TACR3: variants seen among roughly 807,000 people sequenced by gnomAD.
TACR3 encodes the protein neuromedin-K receptor.
Under a neutral mutation model 35.0 loss-of-function variants are expected in TACR3, and 34 were observed. The observed-to-expected ratio is 0.97, with a 90% CI of 0.74 to 1.30. The LOEUF is 1.30. Ranked by LOEUF, TACR3 falls within the 50% of genes most tolerant of loss-of-function variation. The pLI, the probability that TACR3 is intolerant of heterozygous loss-of-function variation, is 0.00. For missense variants in TACR3, 558 were observed against 591.7 expected (o/e 0.94, Z 0.59); for synonymous variants, 233 against 221.1 (o/e 1.05, Z -0.48).
chr4:103,692,477 C>T (rs1309528200), intron 1 of TACR3, among the ~76,000 whole-genome samples: 1 of 152,110 alleles, frequency 6.6e-6, no homozygotes, highest in Non-Finnish European at 1.5e-5. Flanking sequence ...ATACCACTCT[C>T]AGTAGCCAAT....
intron 3 of TACR3, among the ~76,000 whole-genome samples, chr4:103,622,818 G>A (rs1724812309): frequency 6.6e-6 from 1 of 152,130 alleles, no homozygotes; most frequent in Admixed American, 6.5e-5. Flanking sequence ...TTGCTGTGGA[G>A]TTATGGAGCT....
intron 1 of TACR3, among the ~76,000 whole-genome samples, chr4:103,707,618 C>G (rs1021974395): frequency 6.6e-6 from 1 of 152,020 alleles, no homozygotes; most frequent in African/African-American, 2.4e-5. Flanking sequence ...ACTGAGTTAC[C>G]GGGTTCATCT....
intron 1 of TACR3, among the ~76,000 whole-genome samples, chr4:103,698,179 TTTTACATCATGTAG>T: frequency 6.6e-6 from 1 of 151,488 alleles, no homozygotes; most frequent in Middle Eastern, 3.4e-3. Context: ...TTTGAATGTA[TTTTACATCATGTAG>T]TTAGCTATGG....
At chr4:103,612,213 G>T (rs1724529771) in intron 3 of TACR3, among the ~76,000 whole-genome samples, 1 of 152,016 alleles carries the variant, frequency 6.6e-6, no homozygotes, top group Non-Finnish European at 1.5e-5. Flanking sequence ...ACTTCTTTCT[G>T]ATCCTTAAAA....
intron 3 of TACR3, among the ~76,000 whole-genome samples, chr4:103,630,776 T>A (rs1436216426): frequency 6.6e-6 from 1 of 152,162 alleles, no homozygotes; most frequent in Non-Finnish European, 1.5e-5. Flanking sequence ...AGTGTGGTGA[T>A]TCCTCAAGTA....
At chr4:103,592,047 T>C (rs556311449) in intron 3 of TACR3, among the ~76,000 whole-genome samples, 1 of 152,306 alleles carries the variant, frequency 6.6e-6, no homozygotes, top group East Asian at 1.9e-4. Flanking sequence ...ATAGTGGAGA[T>C]ATTATCTCCA....
intron 3 of TACR3, among the ~76,000 whole-genome samples, chr4:103,650,612 A>G (rs1335518232): frequency 9.5e-6 from 1 of 105,278 alleles, no homozygotes; most frequent in Non-Finnish European, 1.8e-5. Context: ...AAAATATATA[A>G]ATATATTATA....
chr4:103,676,518 G>A (rs1039358313), intron 1 of TACR3, among the ~76,000 whole-genome samples: 1 of 152,046 alleles, frequency 6.6e-6, no homozygotes, highest in Non-Finnish European at 1.5e-5. Flanking sequence ...CAAATATAGT[G>A]TGTTAAAAGT....
intron 3 of TACR3, among the ~76,000 whole-genome samples, chr4:103,613,695 A>T (rs982823133): frequency 6.6e-6 from 1 of 152,290 alleles, no homozygotes; most frequent in Admixed American, 6.5e-5. Flanking sequence ...AACAACATAT[A>T]GATTGGGTGG....
chr4:103,596,239 A>G (rs1177335879), intron 3 of TACR3, among the ~76,000 whole-genome samples: 5 of 151,882 alleles, frequency 3.3e-5, no homozygotes, highest in Non-Finnish European at 5.9e-5. Flanking sequence ...ATAGCAGCAT[A>G]ATTTATAATC....
At chr4:103,653,475 C>T (rs183252889) in intron 3 of TACR3, among the ~76,000 whole-genome samples, 60 of 151,938 alleles carry the variant, frequency 3.9e-4, no homozygotes, top group East Asian at 1.5e-3. Flanking sequence ...TTTGTTTAGG[C>T]GTACACAGTG....
intron 3 of TACR3, among the ~76,000 whole-genome samples, chr4:103,633,070 CATT>C (rs1725103964): frequency 6.6e-6 from 1 of 151,782 alleles, no homozygotes; most frequent in Non-Finnish European, 1.5e-5. Context: ...CTCTTACTGA[CATT>C]AACTACAATG....
rs566277752 is a variant in TACR3, at chr4:103,605,327, C to A, written c.889-13644G>T. Among the ~76,000 whole-genome samples, 5 of 105,190 alleles carry A rather than the reference C, an allele frequency of 4.8e-5. No individual in the cohort carries two copies. In the South Asian group the frequency reaches 1.5e-3, roughly 32 times the overall value. 69.0% of individuals were successfully genotyped at this position (105,190 alleles called of 152,430 possible). A position where few individuals can be genotyped will look rare whatever the true frequency, so the allele number is the denominator to read the frequency against. On this transcript the variant is annotated intron_variant, in intron 3 of 4. Coordinates refer to ENST00000304883, the MANE Select transcript of TACR3 (RefSeq NM_001059.3). Reference sequence around the variant, plus strand: ...CTTTATAGCAGCATGATTTATAGTCCTTTGGGTATATACCCAGTAATGGGA... The same window carrying A: ...CTTTATAGCAGCATGATTTATAGTCATTTGGGTATATACCCAGTAATGGGA...
At chr4:103,612,689 A>G (rs1247824795) in intron 3 of TACR3, among the ~76,000 whole-genome samples, 3 of 151,926 alleles carry the variant, frequency 2.0e-5, no homozygotes, top group Non-Finnish European at 4.4e-5. Context: ...TGTGTTTTTT[A>G]GTAGAGATTG....
chr4:103,597,764 C>A (rs150314067), intron 3 of TACR3, among the ~76,000 whole-genome samples: 2,084 of 152,178 alleles, frequency 0.014, 43 homozygotes, highest in African/African-American at 0.045. Flanking sequence ...CATCCATGTC[C>A]CTACAAAGGA....
At chr4:103,636,172 T>A (rs567422351) in intron 3 of TACR3, among the ~76,000 whole-genome samples, 1 of 152,100 alleles carries the variant, frequency 6.6e-6, no homozygotes, top group African/African-American at 2.4e-5. Flanking sequence ...TAAGGAGAAT[T>A]TGTTAAGGGA....
chr4:103,603,021 GCTGTGGTGGGCT>G (rs2110292106), intron 3 of TACR3, among the ~76,000 whole-genome samples: 1 of 152,376 alleles, frequency 6.6e-6, no homozygotes, highest in East Asian at 1.9e-4. Context: ...GCCTCCTTGA[GCTGTGGTGGGCT>G]CTGCCCAGTT....
intron 1 of TACR3, among the ~76,000 whole-genome samples, chr4:103,663,167 C>T (rs571546312): frequency 3.9e-5 from 6 of 152,180 alleles, no homozygotes; most frequent in South Asian, 4.2e-4. Context: ...AAAAGAGCTT[C>T]GAGCTTCAGT....
chr4:103,602,469 T>C (rs886283378), intron 3 of TACR3, among the ~76,000 whole-genome samples: 5 of 145,140 alleles, frequency 3.4e-5, no homozygotes, highest in African/African-American at 7.7e-5. Context: ...CTCTGCTTTT[T>C]AGAGTTTCCA....
Sources: allele counts gnomAD v4.1 joint callset (sites outside exome capture counted in the v4.1 genomes callset), GRCh38; gene constraint gnomAD v4.1.1; transcripts MANE v1.5; gene names NCBI Gene and HGNC (gene_info 2026-07-23, HGNC 2026-07-21).